Variants in PDXDC1 observed in about 807,000 individuals in gnomAD.
PDXDC1 encodes the protein pyridoxal-dependent decarboxylase domain-containing protein 1.
PDXDC1 carries 42 observed loss-of-function variants against 100.1 expected under a neutral mutation model. The ratio of observed to expected loss-of-function variants is 0.42; its 90% CI spans 0.33 to 0.54. The LOEUF (loss-of-function observed/expected upper bound fraction) is 0.54. PDXDC1 is among the 20% of genes least tolerant of loss of function. PDXDC1 has a pLI of 0.10. For missense variants in PDXDC1, 636 were observed against 979.2 expected (o/e 0.65, Z 4.68); for synonymous variants, 260 against 371.7 (o/e 0.70, Z 3.46).
intron 16 of PDXDC1, chr16:15,136,676 TCTC>T: frequency 9.9e-7 from 1 of 1,013,108 alleles, no homozygotes; most frequent in South Asian, 1.3e-5. Context: ...CAGGCCGCCT[TCTC>T]CACCACCAGG....
downstream of PDXDC1, among the ~76,000 whole-genome samples, chr16:15,140,949 G>A (rs2048463865): frequency 6.6e-6 from 1 of 152,092 alleles, no homozygotes; most frequent in African/African-American, 2.4e-5. Flanking sequence ...TGACCCAGCA[G>A]GTGCCTCTGC....
chr16:15,086,146 G>A (rs1441384664), intron 16 of PDXDC1: 4 of 1,600,288 alleles, frequency 2.5e-6, no homozygotes, highest in Admixed American at 3.6e-5. Flanking sequence ...AAAATGGGAA[G>A]CAATCATGCT....
At chr16:15,084,999 A>G (rs1293231927) in intron 16 of PDXDC1, among the ~76,000 whole-genome samples, 1 of 150,636 alleles carries the variant, frequency 6.6e-6, no homozygotes, top group African/African-American at 2.4e-5. Flanking sequence ...CTGGGAGGTG[A>G]AGGCTGCAGC....
intron 1 of PDXDC1, among the ~76,000 whole-genome samples, chr16:14,987,545 T>C (rs1261379984): frequency 6.6e-6 from 1 of 152,296 alleles, no homozygotes; most frequent in Non-Finnish European, 1.5e-5. Context: ...GACCCTGCAC[T>C]CAGTGCTAAG....
intron 16 of PDXDC1, chr16:15,044,432 G>A (rs749121976): frequency 3.2e-6 from 5 of 1,542,860 alleles, no homozygotes; most frequent in Non-Finnish European, 4.5e-6. Flanking sequence ...AGACGGGTCA[G>A]AGGCCAGAAG....
downstream of PDXDC1, chr16:15,040,029 G>A (rs755797290): frequency 1.9e-6 from 3 of 1,612,166 alleles, no homozygotes; most frequent in Admixed American, 3.3e-5. Context: ...GATCTTGAAA[G>A]GATGCTCTGT....
At chr16:15,146,709 C>A in the PDXDC1 span, among the ~76,000 whole-genome samples, 2 of 152,164 alleles carry the variant, frequency 1.3e-5, no homozygotes, top group Non-Finnish European at 2.9e-5. Flanking sequence ...GGCTCTCACC[C>A]TCAGGCTGTT....
At chr16:15,080,123 A>G in intron 16 of PDXDC1, 1 of 1,578,678 alleles carries the variant, frequency 6.3e-7, no homozygotes, top group Non-Finnish European at 8.6e-7. Flanking sequence ...AAGATAAAAC[A>G]TTTCAACAGA....
At chr16:14,989,301 C>G in intron 1 of PDXDC1, 1 of 1,613,324 alleles carries the variant, frequency 6.2e-7, no homozygotes, top group Admixed American at 1.7e-5. Context: ...GTGCACCACC[C>G]ACAGCACCGT....
intron 16 of PDXDC1, chr16:15,127,599 G>C (rs776414078): frequency 4.4e-6 from 6 of 1,359,592 alleles, no homozygotes; most frequent in Non-Finnish European, 6.1e-6. Context: ...GCCCCGTGCT[G>C]TGTGGAGGAG....
At chr16:15,124,376 G>A (rs2047588297) in intron 16 of PDXDC1, among the ~76,000 whole-genome samples, 1 of 152,094 alleles carries the variant, frequency 6.6e-6, no homozygotes, top group Non-Finnish European at 1.5e-5. Context: ...CATTTACTAT[G>A]ACATAAGGTT....
Position 15,047,963 on chromosome 16 carries a change from G to C in PDXDC1, c.1399+17907G>C. On this transcript the variant is annotated intron_variant, in intron 16 of 16. Transcript: ENST00000535621. Reference sequence around the variant, plus strand: ...AAAATAAAATATCCAATAGCCTTTTGGGATAACGCCCAATTCACTGCTTCC... The same window carrying C: ...AAAATAAAATATCCAATAGCCTTTTCGGATAACGCCCAATTCACTGCTTCC... 3.1e-6 allele frequency: 5 copies of C among 1,602,958 alleles called. No individual in the cohort carries two copies. In the South Asian group the frequency reaches 4.4e-5, roughly 14 times the overall value.
intron 16 of PDXDC1, among the ~76,000 whole-genome samples, chr16:15,064,122 C>G (rs1358506575): frequency 1.3e-5 from 2 of 152,194 alleles, no homozygotes; most frequent in Non-Finnish European, 2.9e-5. Flanking sequence ...CAAGTTAAGG[C>G]TGGCCCAGTG....
chr16:15,093,063 G>C (rs1482440282), intron 16 of PDXDC1, among the ~76,000 whole-genome samples: 1 of 152,072 alleles, frequency 6.6e-6, no homozygotes, highest in Non-Finnish European at 1.5e-5. Context: ...GAGTGCAGTG[G>C]TGTGATCTTG....
chr16:15,051,066 G>C (rs1356860653), intron 16 of PDXDC1, among the ~76,000 whole-genome samples: 10 of 152,178 alleles, frequency 6.6e-5, no homozygotes, highest in African/African-American at 2.4e-4. Context: ...TAACAGGGGA[G>C]AATTCAGAAT....
chr16:15,149,432 G>T, the PDXDC1 span, among the ~76,000 whole-genome samples: 14 of 152,224 alleles, frequency 9.2e-5, no homozygotes, highest in Admixed American at 9.2e-4. Flanking sequence ...CCAGGGACCA[G>T]AAATGGGAGC....
intron 1 of PDXDC1, among the ~76,000 whole-genome samples, chr16:14,996,637 T>C (rs1339592265): frequency 8.5e-5 from 13 of 152,378 alleles, no homozygotes; most frequent in Admixed American, 5.9e-4. Context: ...GAAGGATAAC[T>C]TGAGCTCAGG....
intron 8 of PDXDC1, among the ~76,000 whole-genome samples, chr16:15,015,404 G>A (rs2041710875): frequency 6.6e-6 from 1 of 152,234 alleles, no homozygotes; most frequent in Admixed American, 6.5e-5. Context: ...GATGAAAGAT[G>A]TAATCTCCTA....
chr16:15,082,753 C>T (rs547136135), intron 16 of PDXDC1, among the ~76,000 whole-genome samples: 1 of 151,934 alleles, frequency 6.6e-6, no homozygotes, highest in South Asian at 2.1e-4. Context: ...TTTTTGTATG[C>T]TACTAGATTC....
Sources: gnomAD v4.1 joint callset for allele counts (sites outside exome capture counted in the v4.1 genomes callset) on GRCh38, gnomAD v4.1.1 for gene constraint, MANE v1.5 for transcripts, NCBI Gene and HGNC (gene_info 2026-07-23, HGNC 2026-07-21) for gene names.